The following TMOD1 variants were observed in gnomAD, a reference collection of about 807,000 sequenced individuals.
TMOD1 encodes the protein tropomodulin-1.
A neutral mutation model predicts 40.6 loss-of-function variants in TMOD1; 17 were observed. That is an observed-to-expected ratio of 0.42 (90% CI 0.29 to 0.63). The LOEUF is 0.63. Ranked by LOEUF, TMOD1 falls within the 20% of genes least tolerant of loss-of-function variation. TMOD1 has a pLI of 0.22. For missense variants in TMOD1, 391 were observed against 447.6 expected (o/e 0.87, Z 1.14); for synonymous variants, 181 against 175.0 (o/e 1.03, Z -0.27).
rs1825995628 is a variant in TMOD1, at chr9:97,591,336, T to C, written c.916T>C (p.Leu306=). 6.2e-7 allele frequency: 1 copy of C among 1,614,036 alleles called. No homozygotes were observed. The highest frequency in any genetic ancestry group is 1.7e-5 in the Admixed American group (1 of 59,998). ...NKVEMEIVSM[L]EKNATLLKFG... ...AGTGGAAATGGAGATTGTGAGCATGTTGGAAAAAAACGCAACACTTCTCAA... is the reference window on the plus strand; with the variant it reads ...AGTGGAAATGGAGATTGTGAGCATGCTGGAAAAAAACGCAACACTTCTCAA... Residue 306 remains leucine, a synonymous_variant, in exon 9 of 10, where the codon TTG becomes CTG. Coordinates refer to ENST00000259365, the MANE Select transcript of TMOD1 (RefSeq NM_003275.4).
chr9:97,580,433 C>T (rs754047754), intron 8 of TMOD1, among the ~76,000 whole-genome samples: 1 of 152,048 alleles, frequency 6.6e-6, no homozygotes, highest in Admixed American at 6.6e-5. Flanking sequence ...AGTGAAATCC[C>T]ATCTCTACTA....
At chr9:97,568,791 A>G (rs1028898703) in intron 7 of TMOD1, 103 bp from the exon 8 acceptor site, 2 of 1,374,096 alleles carry the variant, frequency 1.5e-6, no homozygotes, top group Non-Finnish European at 2.0e-6. Flanking sequence ...CATGGTGGAG[A>G]TCATCCTCCT....
In TMOD1 at chr9:97,531,951, C is replaced by T. The variant is rs999089534; in HGVS notation, c.120+7643C>T. On this transcript the variant is annotated intron_variant, in intron 2 of 9. Transcript: ENST00000259365. ...CAGCAAGTCAGCGGCCGAGCCAAGG[C>T]GCCCACCTGGTACTTCCTGTCACTC... 3.3e-5 allele frequency among the ~76,000 whole-genome samples: 5 copies of T among 152,280 alleles called. No homozygotes were observed. In the East Asian group the frequency reaches 9.7e-4, roughly 29 times the overall value.
intron 4 of TMOD1, among the ~76,000 whole-genome samples, chr9:97,559,505 C>A (rs1217648337): frequency 6.6e-6 from 1 of 150,936 alleles, no homozygotes; most frequent in Non-Finnish European, 1.5e-5. Context: ...GTGGCTCAAG[C>A]CTGTATCCCA....
In TMOD1 at chr9:97,590,325, G is replaced by A. The variant is rs560628255; in HGVS notation, c.871-966G>A. On this transcript the variant is annotated intron_variant, in intron 8 of 9. Transcript: ENST00000259365. ...TGCAAACTCTGCCTCCCGGGTTCAA[G>A]CCATTCTCCTGCCTCAGCCTCCCAA... is the stretch of plus-strand genomic sequence containing the variant. Among the ~76,000 whole-genome samples, 7 of 152,172 alleles carry A rather than the reference G, an allele frequency of 4.6e-5. No homozygotes were observed. The South Asian group carries it at 1.5e-3, about 32-fold the overall frequency.
chr9:97,586,982 G>GGGAGCTGTAGACC (rs955485343), intron 8 of TMOD1, among the ~76,000 whole-genome samples: 9 of 152,238 alleles, frequency 5.9e-5, no homozygotes, highest in African/African-American at 1.9e-4. Context: ...TGCTCACGCT[G>GGGAGCTGTAGACC]GGAGCTGTAG....
intron 1 of TMOD1, among the ~76,000 whole-genome samples, chr9:97,523,556 A>G (rs756349259): frequency 2.0e-5 from 3 of 152,206 alleles, no homozygotes; most frequent in Non-Finnish European, 4.4e-5. Context: ...AAATGGGGAT[A>G]ATGGTAATAC....
intron 9 of TMOD1, among the ~76,000 whole-genome samples, chr9:97,592,224 T>C (rs1431306577): frequency 6.6e-6 from 1 of 151,802 alleles, no homozygotes; most frequent in Non-Finnish European, 1.5e-5. Context: ...AAAAAGAATT[T>C]GATATAGCAT....
At chr9:97,561,793 ACT>A (rs1244474453) in intron 4 of TMOD1, among the ~76,000 whole-genome samples, 5 of 151,826 alleles carry the variant, frequency 3.3e-5, no homozygotes, top group African/African-American at 1.2e-4. Flanking sequence ...CTGGCCTGCC[ACT>A]CTCTGAACCT....
At chr9:97,520,243 C>T (rs1322294812) in intron 1 of TMOD1, among the ~76,000 whole-genome samples, 1 of 152,122 alleles carries the variant, frequency 6.6e-6, no homozygotes, top group East Asian at 1.9e-4. Context: ...TAGCAAGGGT[C>T]ACCCAGGGAA....
chr9:97,546,311 G>C lies in TMOD1; in HGVS notation c.247G>C (p.Asp83His), dbSNP rs935686990. The C allele has an allele frequency of 2.5e-6, 4 of 1,614,068 alleles. No individual in the cohort carries two copies. Among genetic ancestry groups the C allele is most frequent in the Non-Finnish European group, 3.4e-6 (4 of 1,180,012 alleles). The stretch of plus-strand genomic sequence containing the variant: ...AGCAAAGGAGTTTAAGGACCGAGAA[G>C]ATCTGGTCCCCTACACAGGGGAAAA... The part of the protein sequence containing the change: ...KQAKEFKDRE[D>H]LVPYTGEKRG... The change falls in exon 3 of 10, where the codon GAT becomes CAT. Residue 83 changes from aspartate to histidine, a missense_variant. Transcript: ENST00000259365.
intron 5 of TMOD1, among the ~76,000 whole-genome samples, chr9:97,563,574 T>C (rs1472577733): frequency 6.6e-6 from 1 of 152,154 alleles, no homozygotes; most frequent in Non-Finnish European, 1.5e-5. Flanking sequence ...CCTGTGCCAA[T>C]ATTGCATTGC....
intron 2 of TMOD1, among the ~76,000 whole-genome samples, chr9:97,540,136 C>A (rs1830255974): frequency 6.6e-6 from 1 of 152,208 alleles, no homozygotes; most frequent in African/African-American, 2.4e-5. Context: ...TTAGCTGTCA[C>A]TCTCCATCTC....
In TMOD1 at chr9:97,503,999, C is replaced by T. The variant is rs532897755; in HGVS notation, c.-49+2196C>T. Among the ~76,000 whole-genome samples, 3 of 152,224 alleles carry T rather than the reference C, an allele frequency of 2.0e-5. No homozygotes were observed. The South Asian group carries it at 6.2e-4, about 32-fold the overall frequency. On this transcript the variant is annotated intron_variant, in intron 1 of 9. Transcript: ENST00000259365. The stretch of plus-strand genomic sequence containing the variant: ...GGGAGGACAGAGGTGGGCAGTGTCA[C>T]TTGCTGTGGAGAGACAGGAGTAGGG...
intron 1 of TMOD1, among the ~76,000 whole-genome samples, chr9:97,523,544 T>G (rs998867172): frequency 2.6e-5 from 4 of 152,238 alleles, no homozygotes; most frequent in Admixed American, 2.6e-4. Context: ...TCCTTCTCTA[T>G]AAAATGGGGA....
intron 8 of TMOD1, among the ~76,000 whole-genome samples, chr9:97,586,244 G>A (rs1047145212): frequency 3.3e-5 from 5 of 152,180 alleles, no homozygotes; most frequent in Non-Finnish European, 7.3e-5. Context: ...TCAGCTGCAG[G>A]TCTGTTGGAA....
chr9:97,560,233 C>T (rs994689104), intron 4 of TMOD1, among the ~76,000 whole-genome samples: 2 of 152,042 alleles, frequency 1.3e-5, no homozygotes, highest in East Asian at 3.9e-4. Flanking sequence ...AGCCTACAGT[C>T]TAGTAGCAGA....
At chr9:97,564,222 T>G in intron 6 of TMOD1, 54 bp downstream of exon 6, 1 of 1,545,224 alleles carries the variant, frequency 6.5e-7, no homozygotes, top group Non-Finnish European at 8.7e-7. Flanking sequence ...GGGGGAACCA[T>G]GTCACCCAAA....
At chr9:97,574,819 A>T (rs1830896074) in intron 8 of TMOD1, among the ~76,000 whole-genome samples, 1 of 152,110 alleles carries the variant, frequency 6.6e-6, no homozygotes, top group East Asian at 1.9e-4. Context: ...GGACATGGAG[A>T]ACTTTTGTGT....
Sources: allele counts gnomAD v4.1 joint callset (sites outside exome capture counted in the v4.1 genomes callset), GRCh38; gene constraint gnomAD v4.1.1; transcripts MANE v1.5; gene names NCBI Gene and HGNC (gene_info 2026-07-23, HGNC 2026-07-21).